PTPRG: variants seen among roughly 807,000 people sequenced by gnomAD.
PTPRG encodes the protein protein tyrosine phosphatase receptor type G, also known as receptor-type tyrosine-protein phosphatase gamma.
In PTPRG, 102 loss-of-function variants were observed where a neutral mutation model predicts 165.3. The ratio of observed to expected loss-of-function variants is 0.62; its 90% CI spans 0.53 to 0.73. The LOEUF is 0.73. Among genes scored for constraint, PTPRG ranks in the 30% least tolerant of loss-of-function variants. The probability of loss-of-function intolerance (pLI) is 0.00; values close to 1 mark genes in which losing one functional copy is unlikely to be tolerated. For missense variants in PTPRG, 1,866 were observed against 1,861.4 expected, an observed-to-expected ratio of 1.00 and a Z score of -0.05; for synonymous variants, 675 against 669.5, an observed-to-expected ratio of 1.01 and a Z score of -0.13.
intron 5 of PTPRG, among the ~76,000 whole-genome samples, chr3:62,105,452 A>G (rs1164914727): frequency 6.6e-6 from 1 of 152,196 alleles, no homozygotes; most frequent in African/African-American, 2.4e-5. Context: ...AAAATCAACA[A>G]CTGTGAAGCC....
chr3:61,973,241 C>G (rs2040423969), intron 2 of PTPRG, among the ~76,000 whole-genome samples: 1 of 152,182 alleles, frequency 6.6e-6, no homozygotes, highest in Non-Finnish European at 1.5e-5. Flanking sequence ...GAAAGGAATT[C>G]TAAATTGCTA....
At chr3:61,873,479 A>G (rs965729908) in intron 2 of PTPRG, among the ~76,000 whole-genome samples, 5 of 152,340 alleles carry the variant, frequency 3.3e-5, no homozygotes, top group Admixed American at 1.3e-4. Flanking sequence ...TATTTTAACT[A>G]TAGTAGTGAC....
At position 61,941,167 on chromosome 3, in the gene PTPRG, A is replaced by G. The variant is rs188593387; in HGVS notation, c.191-48458A>G. On this transcript the variant is annotated intron_variant, in intron 2 of 29. Transcript: ENST00000474889. ...AAGGTGATAATCATTCATGAGTGCAATAATTGCCATACTTGTCATAATAAT... is the reference window on the plus strand; with the variant it reads ...AAGGTGATAATCATTCATGAGTGCAGTAATTGCCATACTTGTCATAATAAT... Among the ~76,000 whole-genome samples the G allele has an allele frequency of 6.6e-5, 10 of 152,362 alleles. No homozygotes were observed. The East Asian group carries it at 1.7e-3, about 26-fold the overall frequency.
chr3:61,923,938 C>T (rs2039145234), intron 2 of PTPRG, among the ~76,000 whole-genome samples: 1 of 152,054 alleles, frequency 6.6e-6, no homozygotes, highest in East Asian at 1.9e-4. Flanking sequence ...TCGAGAATAA[C>T]TAGGAGAAAC....
At chr3:61,605,108 A>G (rs539258753) in intron 1 of PTPRG, among the ~76,000 whole-genome samples, 8 of 152,248 alleles carry the variant, frequency 5.3e-5, no homozygotes, top group Admixed American at 1.3e-4. Context: ...CCCATTCGCT[A>G]TCCTTCTCTT....
chr3:61,948,572 A>G (rs1453196690), intron 2 of PTPRG, among the ~76,000 whole-genome samples: 2 of 152,160 alleles, frequency 1.3e-5, no homozygotes, highest in African/African-American at 4.8e-5. Context: ...TGGTTGCTAT[A>G]GCTACAATAA....
intron 4 of PTPRG, among the ~76,000 whole-genome samples, chr3:62,018,684 G>A (rs1308816474): frequency 6.6e-6 from 1 of 152,180 alleles, no homozygotes; most frequent in East Asian, 1.9e-4. Flanking sequence ...CCCAGCAGTA[G>A]CATTACAAAG....
intron 1 of PTPRG, 137 bp from the exon 2 acceptor site, chr3:61,748,741 G>A (rs1481342443): frequency 1.1e-5 from 4 of 358,542 alleles, no homozygotes; most frequent in Middle Eastern, 7.4e-4. Context: ...TTTTTTTTTT[G>A]TAAAATAAGT....
intron 2 of PTPRG, among the ~76,000 whole-genome samples, chr3:61,949,964 TC>T (rs1185808441): frequency 1.3e-5 from 2 of 152,152 alleles, no homozygotes; most frequent in Non-Finnish European, 2.9e-5. Flanking sequence ...GCCAAGATGG[TC>T]TCAATCTCTT....
intron 1 of PTPRG, among the ~76,000 whole-genome samples, chr3:61,669,028 C>T (rs963660301): frequency 6.6e-6 from 1 of 152,178 alleles, no homozygotes; most frequent in African/African-American, 2.4e-5. Context: ...TTTCTAATTA[C>T]AGTTTTGTCC....
rs113199298 is a variant in PTPRG, at chr3:62,191,611, C to T, written c.1176C>T (p.Asp392=). The change falls in exon 9 of 30, where the codon GAC becomes GAT. Residue 392 remains aspartate (D), a synonymous_variant. Coordinates refer to ENST00000474889, the MANE Select transcript of PTPRG (RefSeq NM_002841.4). ...MISYSWTKNE[D]EKEKTFTKDS... Reference sequence around the variant, plus strand: ...CCTACAGCTGGACCAAGAATGAGGACGAGAAGGAGAAGACGTTTACAAAGG... The same window carrying T: ...CCTACAGCTGGACCAAGAATGAGGATGAGAAGGAGAAGACGTTTACAAAGG... The T allele has an allele frequency of 4.0e-4, 653 of 1,614,108 alleles. 2 individuals are homozygous for T. The highest frequency in any genetic ancestry group is 9.2e-4 in the Admixed American group (55 of 60,018).
intron 2 of PTPRG, among the ~76,000 whole-genome samples, chr3:61,795,319 C>G (rs2035010735): frequency 1.3e-5 from 2 of 152,064 alleles, no homozygotes; most frequent in Admixed American, 1.3e-4. Context: ...AGTAACCTCA[C>G]TAAATCTTAC....
chr3:62,021,857 CTTTTTTTT>C (rs398062374), intron 4 of PTPRG, among the ~76,000 whole-genome samples: 5 of 97,108 alleles, frequency 5.1e-5, no homozygotes, highest in Admixed American at 1.1e-4. Context: ...TTTTCCTTTT[CTTTTTTTT>C]TTTTTTTTTT....
At position 61,943,522 on chromosome 3, in the gene PTPRG, G is replaced by A. The variant is rs1575809706; in HGVS notation, c.191-46103G>A. On this transcript the variant is annotated intron_variant, in intron 2 of 29. Transcript: ENST00000474889. ...GAACCCAGGAGGCAGAGGTTTCAGT[G>A]AGCCAAGATCGCGCCACTGCACTCC... 5.3e-5 allele frequency among the ~76,000 whole-genome samples: 8 copies of A among 152,334 alleles called. 1 individual carries two copies. The highest frequency in any genetic ancestry group is 5.2e-4 in the Admixed American group (8 of 15,304).
At chr3:61,789,350 C>T (rs2034805042) in intron 2 of PTPRG, among the ~76,000 whole-genome samples, 1 of 152,184 alleles carries the variant, frequency 6.6e-6, no homozygotes, top group African/African-American at 2.4e-5. Context: ...TCAAGTGATC[C>T]TCCAGCCTCA....
chr3:61,900,137 A>G (rs898297739), intron 2 of PTPRG, among the ~76,000 whole-genome samples: 3 of 152,194 alleles, frequency 2.0e-5, no homozygotes, highest in Non-Finnish European at 4.4e-5. Flanking sequence ...GATGGCTAGA[A>G]ATAGTGTTTT....
chr3:61,733,553 A>G (rs2032602400), intron 1 of PTPRG, among the ~76,000 whole-genome samples: 2 of 152,220 alleles, frequency 1.3e-5, no homozygotes, highest in Admixed American at 6.5e-5. Context: ...TAAGTGCTAA[A>G]GAAGCATTAC....
intron 10 of PTPRG, among the ~76,000 whole-genome samples, chr3:62,200,333 C>T (rs888466631): frequency 6.6e-6 from 1 of 151,966 alleles, no homozygotes. Flanking sequence ...TGCAATGATG[C>T]AATCTCTGCT....
intron 14 of PTPRG, among the ~76,000 whole-genome samples, chr3:62,234,527 G>A (rs559343460): frequency 2.0e-4 from 30 of 151,904 alleles, no homozygotes; most frequent in African/African-American, 7.0e-4. Context: ...AACCTCATAG[G>A]TGAAAAAGAA....
Sources: gnomAD v4.1 joint callset for allele counts (sites outside exome capture counted in the v4.1 genomes callset) on GRCh38, gnomAD v4.1.1 for gene constraint, MANE v1.5 for transcripts, NCBI Gene and HGNC (gene_info 2026-07-23, HGNC 2026-07-21) for gene names.